The following EYS variants were observed in gnomAD, a reference collection of about 807,000 sequenced individuals.
EYS encodes the protein protein eyes shut homolog.
A neutral mutation model predicts 282.1 loss-of-function variants in EYS; 250 were observed. The observed-to-expected ratio is 0.89, with a 90% CI of 0.80 to 0.98. The LOEUF (loss-of-function observed/expected upper bound fraction) is 0.98, where lower values mean the gene tolerates loss of function less well. Ranked by LOEUF, EYS falls within the 50% of genes least tolerant of loss-of-function variation. The probability of loss-of-function intolerance (pLI) is 0.00; values close to 1 mark genes in which losing one functional copy is unlikely to be tolerated. For missense variants in EYS, 4,016 were observed against 3,709.0 expected (o/e 1.08, Z -2.15); for synonymous variants, 1,355 against 1,282.9 (o/e 1.06, Z -1.20).
intron 33 of EYS, among the ~76,000 whole-genome samples, chr6:64,003,181 A>G (rs1014525249): frequency 3.9e-5 from 6 of 152,208 alleles, no homozygotes; most frequent in Non-Finnish European, 7.3e-5. Flanking sequence ...ACTGGAGGTC[A>G]TTATGTTAAG....
At chr6:64,518,672 G>A (rs140209043) in intron 26 of EYS, among the ~76,000 whole-genome samples, 3 of 151,610 alleles carry the variant, frequency 2.0e-5, no homozygotes, top group Non-Finnish European at 3.0e-5. Context: ...CATAATCTCC[G>A]TGTGTCATGG....
chr6:64,938,693 A>G, intron 15 of EYS, among the ~76,000 whole-genome samples: 1 of 151,634 alleles, frequency 6.6e-6, no homozygotes, highest in African/African-American at 2.4e-5. Context: ...CTCCACCGGT[A>G]AGTTAATGTA....
At position 64,909,866 on chromosome 6, in the gene EYS, T is replaced by C. The variant is rs552229525; in HGVS notation, c.2641+2618A>G. On this transcript the variant is annotated intron_variant, in intron 16 of 42. Transcript: ENST00000503581. ...GCAGTCTGACGTAAACCCAAAAGTA[T>C]CAGTTATTCTACTTGCTGGTCCTTC... Among the ~76,000 whole-genome samples the C allele has an allele frequency of 2.8e-4, 42 of 152,258 alleles. No individual in the cohort carries two copies. In the East Asian group the frequency reaches 3.3e-3, roughly 12 times the overall value.
intron 2 of EYS, among the ~76,000 whole-genome samples, chr6:65,600,209 A>T (rs1414868970): frequency 1.3e-5 from 2 of 151,998 alleles, no homozygotes; most frequent in East Asian, 1.9e-4. Flanking sequence ...GTAAATTCTG[A>T]GTCCTATTGT....
rs73767811 is a variant in EYS, at chr6:64,436,306, C to T, written c.5836-41G>A. 9.0e-3 allele frequency: 9,689 copies of T among 1,081,508 alleles called. 589 individuals carry two copies. The African/African-American group carries it at 0.13, about 15-fold the overall frequency. The allele number at this position is 1,081,508 out of a possible 1,614,324, so 67.0% of individuals were successfully genotyped here. ...ATTTTGTCCTCAAACAGTTTTTCAGCATGAAATTAATACCATATATTTGCA... is the reference window on the plus strand; with the variant it reads ...ATTTTGTCCTCAAACAGTTTTTCAGTATGAAATTAATACCATATATTTGCA... On this transcript the variant is annotated intron_variant, in intron 27 of 42. Coordinates refer to ENST00000503581, the MANE Select transcript of EYS (RefSeq NM_001142800.2).
At chr6:65,648,934 C>T (rs536358869) in intron 1 of EYS, among the ~76,000 whole-genome samples, 1 of 151,668 alleles carries the variant, frequency 6.6e-6, no homozygotes, top group Non-Finnish European at 1.5e-5. Context: ...ATCACGGGGT[C>T]AGGAGATAGA....
At chr6:64,935,557 A>G (rs1305232793) in intron 15 of EYS, among the ~76,000 whole-genome samples, 2 of 151,746 alleles carry the variant, frequency 1.3e-5, no homozygotes, top group African/African-American at 2.4e-5. Context: ...AAACTGAAAA[A>G]CCATTAACTA....
intron 33 of EYS, among the ~76,000 whole-genome samples, chr6:64,017,641 G>C (rs946532599): frequency 1.3e-5 from 2 of 152,176 alleles, no homozygotes; most frequent in Non-Finnish European, 2.9e-5. Flanking sequence ...CAGTGGAACT[G>C]TTTCTTAGAC....
chr6:64,225,494 T>G (rs562203261), intron 31 of EYS, among the ~76,000 whole-genome samples: 2 of 152,072 alleles, frequency 1.3e-5, no homozygotes, highest in South Asian at 4.2e-4. Context: ...GGTGTAAGAG[T>G]ATGTCTGAGA....
chr6:65,277,601 G>GA (rs750191803), intron 12 of EYS, among the ~76,000 whole-genome samples: 1 of 152,040 alleles, frequency 6.6e-6, no homozygotes, highest in African/African-American at 2.4e-5. Context: ...TAAGAACAGT[G>GA]AAAAATAAAT....
intron 22 of EYS, among the ~76,000 whole-genome samples, chr6:64,703,659 A>G (rs1030465618): frequency 1.3e-5 from 2 of 151,600 alleles, no homozygotes; most frequent in Non-Finnish European, 2.9e-5. Context: ...TACAACATTC[A>G]TGAAGAGGGA....
intron 31 of EYS, among the ~76,000 whole-genome samples, chr6:64,223,616 T>C (rs1766167439): frequency 6.6e-6 from 1 of 152,086 alleles, no homozygotes; most frequent in African/African-American, 2.4e-5. Context: ...TAAACTTTTT[T>C]TGAACATTGT....
intron 2 of EYS, among the ~76,000 whole-genome samples, chr6:65,515,488 A>C (rs1455391879): frequency 6.6e-6 from 1 of 151,086 alleles, no homozygotes; most frequent in Non-Finnish European, 1.5e-5. Context: ...AGACACATGC[A>C]CACGTATGTT....
intron 29 of EYS, among the ~76,000 whole-genome samples, chr6:64,378,645 A>G (rs1772643311): frequency 6.6e-6 from 1 of 152,168 alleles, no homozygotes; most frequent in East Asian, 1.9e-4. Flanking sequence ...TTAAACCTTA[A>G]GAAGGTAGAG....
chr6:64,985,062 C>T (rs1054265802), intron 14 of EYS, among the ~76,000 whole-genome samples: 4 of 151,392 alleles, frequency 2.6e-5, no homozygotes, highest in African/African-American at 9.7e-5. Flanking sequence ...TAATTAGCTC[C>T]TGTTTTATGA....
chr6:64,463,765 G>A (rs892908636), intron 26 of EYS, among the ~76,000 whole-genome samples: 42 of 152,106 alleles, frequency 2.8e-4, no homozygotes, highest in Non-Finnish European at 4.6e-4. Context: ...AGGATCATAA[G>A]AGATAGCAAA....
At chr6:64,211,728 A>G (rs1425043379) in intron 31 of EYS, among the ~76,000 whole-genome samples, 1 of 149,650 alleles carries the variant, frequency 6.7e-6, no homozygotes, top group Non-Finnish European at 1.5e-5. Context: ...ATATGTTTAT[A>G]TATATAAAAT....
At chr6:65,372,354 A>G (rs1205158291) in intron 8 of EYS, among the ~76,000 whole-genome samples, 1 of 152,082 alleles carries the variant, frequency 6.6e-6, no homozygotes, top group Non-Finnish European at 1.5e-5. Context: ...GTATTAAAAT[A>G]AAATAAATGA....
At chr6:63,724,161 G>A (rs935993081) in intron 42 of EYS, among the ~76,000 whole-genome samples, 3 of 152,096 alleles carry the variant, frequency 2.0e-5, no homozygotes, top group Non-Finnish European at 4.4e-5. Context: ...AAGAAACAGA[G>A]CTCAAATAGG....
Sources: gnomAD v4.1 joint callset for allele counts (sites outside exome capture counted in the v4.1 genomes callset) on GRCh38, gnomAD v4.1.1 for gene constraint, MANE v1.5 for transcripts, NCBI Gene and HGNC (gene_info 2026-07-23, HGNC 2026-07-21) for gene names.